GALNTL6: variants seen among roughly 807,000 people sequenced by gnomAD.
GALNTL6 encodes polypeptide N-acetylgalactosaminyltransferase like 6.
A neutral mutation model predicts 73.7 loss-of-function variants in GALNTL6; 46 were observed. The ratio of observed to expected loss-of-function variants is 0.62; its 90% CI spans 0.49 to 0.80. GALNTL6 has a LOEUF of 0.80. Among genes scored for constraint, GALNTL6 ranks in the 30% least tolerant of loss-of-function variants. GALNTL6 has a pLI of 0.00. For synonymous variants in GALNTL6, 259 were observed against 263.7 expected, an observed-to-expected ratio of 0.98 and a Z score of 0.17; for missense variants, 604 against 755.0, an observed-to-expected ratio of 0.80 and a Z score of 2.34.
intron 12 of GALNTL6, among the ~76,000 whole-genome samples, chr4:173,035,006 T>C (rs1263086638): frequency 1.3e-5 from 2 of 152,086 alleles, no homozygotes; most frequent in African/African-American, 4.8e-5. Context: ...TATTTTTTCA[T>C]ATGTTCTTCC....
At chr4:172,645,861 CTTATCAAGGCCTGTTTGT>C (rs1036427633) in intron 5 of GALNTL6, among the ~76,000 whole-genome samples, 24 of 151,974 alleles carry the variant, frequency 1.6e-4, no homozygotes, top group African/African-American at 5.5e-4. Context: ...ATAAACAGGA[CTTATCAAGGCCTGTTTGT>C]TTAGATTATT....
rs142904522 is a variant in GALNTL6, at chr4:172,860,591, C to T, written c.924-22199C>T. Among the ~76,000 whole-genome samples, 453 of 152,254 alleles carry T rather than the reference C, an allele frequency of 3.0e-3. 2 individuals carry two copies. The highest frequency in any genetic ancestry group is 0.01 in the African/African-American group (433 of 41,536). On this transcript the variant is annotated intron_variant, in intron 7 of 12. Transcript: ENST00000506823. The stretch of plus-strand genomic sequence containing the variant: ...CCAAAAAGTGCTGCAACCAGATACT[C>T]TACCAAAAAGTGCTGAGAAAACTAG...
intron 5 of GALNTL6, among the ~76,000 whole-genome samples, chr4:172,411,279 C>T (rs1273997457): frequency 6.6e-6 from 1 of 151,878 alleles, no homozygotes; most frequent in African/African-American, 2.4e-5. Context: ...ATGATACCTG[C>T]CTCTTTACTA....
intron 7 of GALNTL6, among the ~76,000 whole-genome samples, chr4:172,871,534 A>G (rs780401586): frequency 7.3e-5 from 11 of 150,810 alleles, no homozygotes; most frequent in Non-Finnish European, 1.3e-4. Flanking sequence ...CAGGCTTCAC[A>G]TTCACACTTT....
chr4:171,977,116 A>G (rs759650777), intron 2 of GALNTL6, among the ~76,000 whole-genome samples: 16 of 152,190 alleles, frequency 1.1e-4, no homozygotes, highest in Non-Finnish European at 2.2e-4. Context: ...AAGGAGAGTA[A>G]GCCTTAGCCT....
At chr4:172,121,225 G>C (rs907513221) in intron 2 of GALNTL6, among the ~76,000 whole-genome samples, 2 of 151,096 alleles carry the variant, frequency 1.3e-5, no homozygotes, top group Non-Finnish European at 2.9e-5. Flanking sequence ...AGTTTGGACA[G>C]GCAGTTGCTT....
intron 5 of GALNTL6, among the ~76,000 whole-genome samples, chr4:172,695,297 A>G (rs1378351558): frequency 6.6e-6 from 1 of 152,254 alleles, no homozygotes; most frequent in Non-Finnish European, 1.5e-5. Context: ...GAAATGATGT[A>G]GGTGATCTTT....
intron 11 of GALNTL6, among the ~76,000 whole-genome samples, chr4:173,014,408 G>A (rs905358001): frequency 6.6e-6 from 1 of 152,218 alleles, no homozygotes; most frequent in Non-Finnish European, 1.5e-5. Flanking sequence ...CCACTCTGCA[G>A]GCCCAGCAGC....
intron 5 of GALNTL6, among the ~76,000 whole-genome samples, chr4:172,455,817 A>C (rs1249130320): frequency 1.3e-5 from 2 of 152,202 alleles, no homozygotes; most frequent in African/African-American, 4.8e-5. Flanking sequence ...GAAGAGAGGA[A>C]TAGATCTCCC....
chr4:172,151,595 G>A (rs1734088515), intron 2 of GALNTL6, among the ~76,000 whole-genome samples: 1 of 152,186 alleles, frequency 6.6e-6, no homozygotes, highest in Non-Finnish European at 1.5e-5. Context: ...CAGAAGAAAG[G>A]AAAAGTGGAG....
intron 4 of GALNTL6, among the ~76,000 whole-genome samples, chr4:172,319,584 A>G (rs1389621757): frequency 2.6e-5 from 4 of 152,202 alleles, no homozygotes; most frequent in Non-Finnish European, 5.9e-5. Context: ...TTAAATCATT[A>G]TCTTAAAACA....
chr4:171,994,578 C>T (rs146235675), intron 2 of GALNTL6, among the ~76,000 whole-genome samples: 4 of 151,994 alleles, frequency 2.6e-5, no homozygotes, highest in South Asian at 2.1e-4. Context: ...GTACACTGCT[C>T]GAGTGATGGG....
chr4:172,645,964 G>T (rs1239111289), intron 5 of GALNTL6, among the ~76,000 whole-genome samples: 1 of 151,898 alleles, frequency 6.6e-6, no homozygotes, highest in East Asian at 1.9e-4. Flanking sequence ...TTCCATGAGG[G>T]TCTTATGACC....
At chr4:172,941,607 CCCATTAGAACTGA>C (rs1282614842) in intron 9 of GALNTL6, among the ~76,000 whole-genome samples, 1 of 152,108 alleles carries the variant, frequency 6.6e-6, no homozygotes, top group African/African-American at 2.4e-5. Context: ...TATCATTATC[CCCATTAGAACTGA>C]CCATTTCCCT....
At chr4:172,311,989 TA>T in intron 4 of GALNTL6, among the ~76,000 whole-genome samples, 1 of 152,324 alleles carries the variant, frequency 6.6e-6, no homozygotes, top group Admixed American at 6.5e-5. Context: ...TTGACTGTGT[TA>T]ACTCATTAAC....
At chr4:172,370,273 A>G (rs1159001725) in intron 5 of GALNTL6, among the ~76,000 whole-genome samples, 1 of 152,084 alleles carries the variant, frequency 6.6e-6, no homozygotes, top group African/African-American at 2.4e-5. Context: ...CCTCGATTCT[A>G]GCGGAAACAA....
intron 5 of GALNTL6, among the ~76,000 whole-genome samples, chr4:172,723,397 T>C (rs1352326232): frequency 6.6e-6 from 1 of 152,224 alleles, no homozygotes; most frequent in Non-Finnish European, 1.5e-5. Context: ...CCCATACTTA[T>C]TTAACCTCAT....
chr4:172,981,796 C>CT (rs56273122), intron 10 of GALNTL6, among the ~76,000 whole-genome samples: 2,996 of 101,780 alleles, frequency 0.029, 188 homozygotes, highest in African/African-American at 0.096. Flanking sequence ...GTATGAACGT[C>CT]TTTTTTTTTT....
At chr4:172,750,498 C>T (rs567735560) in intron 5 of GALNTL6, among the ~76,000 whole-genome samples, 88 of 152,270 alleles carry the variant, frequency 5.8e-4, no homozygotes, top group African/African-American at 1.9e-3. Flanking sequence ...CTCTATTCCT[C>T]CTAGGAGCCA....
Sources: gnomAD v4.1 joint callset for allele counts (sites outside exome capture counted in the v4.1 genomes callset) on GRCh38, gnomAD v4.1.1 for gene constraint, MANE v1.5 for transcripts, NCBI Gene and HGNC (gene_info 2026-07-23, HGNC 2026-07-21) for gene names.